Variants in SYN3 observed in about 807,000 individuals in gnomAD.
SYN3 encodes the protein synapsin III.
SYN3 carries 35 observed loss-of-function variants against 65.8 expected under a neutral mutation model. That is an observed-to-expected ratio of 0.53 (90% CI 0.41 to 0.70). The LOEUF (loss-of-function observed/expected upper bound fraction) is 0.70, where lower values mean the gene tolerates loss of function less well. Among genes scored for constraint, SYN3 ranks in the 30% least tolerant of loss-of-function variants. The pLI, the probability that SYN3 is intolerant of heterozygous loss-of-function variation, is 0.00. For missense variants in SYN3, 680 were observed against 749.0 expected, an observed-to-expected ratio of 0.91 and a Z score of 1.08; for synonymous variants, 270 against 292.9, an observed-to-expected ratio of 0.92 and a Z score of 0.80.
chr22:32,558,409 G>A (rs2146337822), intron 7 of SYN3, among the ~76,000 whole-genome samples: 1 of 152,338 alleles, frequency 6.6e-6, no homozygotes. Flanking sequence ...TCAGAGATGC[G>A]AAGAACTTGC....
intron 4 of SYN3, among the ~76,000 whole-genome samples, chr22:32,891,358 G>A (rs1313761009): frequency 6.6e-6 from 1 of 152,104 alleles, no homozygotes; most frequent in Non-Finnish European, 1.5e-5. Context: ...TGTTGCTTGT[G>A]CTGAGCCCTG....
intron 6 of SYN3, among the ~76,000 whole-genome samples, chr22:32,606,408 C>T (rs1305612818): frequency 2.6e-5 from 4 of 152,204 alleles, no homozygotes; most frequent in African/African-American, 9.7e-5. Context: ...ACAGACTCTC[C>T]TTGGAATTTT....
At chr22:32,533,158 G>A (rs2058106037) in intron 10 of SYN3, among the ~76,000 whole-genome samples, 1 of 151,898 alleles carries the variant, frequency 6.6e-6, no homozygotes, top group South Asian at 2.1e-4. Flanking sequence ...GGTCTTGAGA[G>A]AGATTCCGGG....
chr22:32,985,616 T>C (rs2052503381), intron 2 of SYN3, among the ~76,000 whole-genome samples: 1 of 152,172 alleles, frequency 6.6e-6, no homozygotes, highest in South Asian at 2.1e-4. Flanking sequence ...GAGGGAAGAA[T>C]TTGGGTACCT....
intron 4 of SYN3, among the ~76,000 whole-genome samples, chr22:32,882,380 G>A (rs1237410683): frequency 2.0e-5 from 3 of 151,944 alleles, no homozygotes; most frequent in African/African-American, 7.3e-5. Flanking sequence ...AGTACCTATG[G>A]TATTATATTT....
intron 6 of SYN3, among the ~76,000 whole-genome samples, chr22:32,702,935 T>C (rs563256494): frequency 4.6e-5 from 7 of 152,286 alleles, no homozygotes; most frequent in Middle Eastern, 6.8e-3. Context: ...CTAACCAAAA[T>C]GTTCTGGTCA....
At chr22:32,990,391 T>C (rs12168119) in intron 2 of SYN3, among the ~76,000 whole-genome samples, 1 of 128,464 alleles carries the variant, frequency 7.8e-6, no homozygotes, top group African/African-American at 3.2e-5. Context: ...CATCCACCCA[T>C]CCATCCATCC....
intron 12 of SYN3, 101 bp downstream of exon 12, chr22:32,527,817 C>T: frequency 1.0e-6 from 1 of 992,388 alleles, no homozygotes. Context: ...TATTCAGGTG[C>T]ATTTTCCCAG....
intron 2 of SYN3, among the ~76,000 whole-genome samples, chr22:32,987,011 A>AG (rs2052547794): frequency 6.6e-6 from 1 of 152,118 alleles, no homozygotes; most frequent in African/African-American, 2.4e-5. Flanking sequence ...TGGCTGCAGC[A>AG]GGGGCAGAAG....
chr22:32,830,766 C>T (rs962016171), intron 6 of SYN3, among the ~76,000 whole-genome samples: 4 of 152,100 alleles, frequency 2.6e-5, no homozygotes, highest in Non-Finnish European at 4.4e-5. Flanking sequence ...TCACATGGAC[C>T]GTGAGTGTAT....
intron 2 of SYN3, among the ~76,000 whole-genome samples, chr22:32,987,036 C>G (rs1443551324): frequency 6.6e-6 from 1 of 152,088 alleles, no homozygotes; most frequent in Non-Finnish European, 1.5e-5. Flanking sequence ...GGAATTCATA[C>G]AAACAGGATC....
intron 1 of SYN3, among the ~76,000 whole-genome samples, chr22:33,023,822 A>G (rs1286584228): frequency 6.6e-6 from 1 of 151,686 alleles, no homozygotes; most frequent in Non-Finnish European, 1.5e-5. Flanking sequence ...CTCCAGATGA[A>G]CCCTTCAAAA....
chr22:32,607,356 C>A (rs2059386734), intron 6 of SYN3, among the ~76,000 whole-genome samples: 1 of 152,148 alleles, frequency 6.6e-6, no homozygotes, highest in Non-Finnish European at 1.5e-5. Flanking sequence ...TGCATGAATT[C>A]CCATCAAAAA....
chr22:32,705,452 CT>C (rs2147220137), intron 6 of SYN3, among the ~76,000 whole-genome samples: 1 of 152,342 alleles, frequency 6.6e-6, no homozygotes, highest in Admixed American at 6.5e-5. Flanking sequence ...GTTTTGGCTA[CT>C]GTAGCCTTGT....
At chr22:32,678,020 G>A (rs929926122) in intron 6 of SYN3, among the ~76,000 whole-genome samples, 4 of 152,150 alleles carry the variant, frequency 2.6e-5, no homozygotes, top group African/African-American at 7.2e-5. Context: ...AGTGTCATGA[G>A]GAAGGTGAGG....
intron 12 of SYN3, among the ~76,000 whole-genome samples, chr22:32,525,898 G>C (rs1418699605): frequency 1.3e-5 from 2 of 152,032 alleles, no homozygotes; most frequent in African/African-American, 4.8e-5. Context: ...TGTGTGAAAG[G>C]GTGAGTCAAT....
intron 6 of SYN3, among the ~76,000 whole-genome samples, chr22:32,607,281 C>T (rs530293945): frequency 1.5e-4 from 23 of 152,326 alleles, no homozygotes; most frequent in African/African-American, 5.3e-4. Flanking sequence ...GAATGACAGA[C>T]CTGCCTCCTG....
chr22:32,581,339 C>T (rs981382283), intron 7 of SYN3, among the ~76,000 whole-genome samples: 2 of 152,246 alleles, frequency 1.3e-5, no homozygotes, highest in East Asian at 3.8e-4. Context: ...GAACTCCTGA[C>T]CTCAGGTGAT....
intron 3 of SYN3, among the ~76,000 whole-genome samples, chr22:32,971,174 C>A (rs2052008246): frequency 6.6e-6 from 1 of 152,160 alleles, no homozygotes; most frequent in African/African-American, 2.4e-5. Flanking sequence ...GTTGATGAGC[C>A]TAAAGGTAGA....
Sources: gnomAD v4.1 joint callset for allele counts (sites outside exome capture counted in the v4.1 genomes callset) on GRCh38, gnomAD v4.1.1 for gene constraint, MANE v1.5 for transcripts, NCBI Gene and HGNC (gene_info 2026-07-23, HGNC 2026-07-21) for gene names.